Variants in AKAP7 observed in about 807,000 individuals in gnomAD.
The protein encoded by AKAP7 is A-kinase anchoring protein 7.
In AKAP7, 39 loss-of-function variants were observed where a neutral mutation model predicts 39.5. The ratio of observed to expected loss-of-function variants is 0.99; its 90% CI spans 0.76 to 1.29. The LOEUF (loss-of-function observed/expected upper bound fraction) is 1.29. AKAP7 is among the 50% of genes most tolerant of loss of function. The probability of loss-of-function intolerance (pLI) is 0.00; values close to 1 mark genes in which losing one functional copy is unlikely to be tolerated. For synonymous variants in AKAP7, 140 were observed against 139.1 expected (o/e 1.01, Z -0.05); for missense variants, 414 against 407.7 (o/e 1.02, Z -0.13).
chr6:131,224,325 G>A (rs568618263), intron 7 of AKAP7, among the ~76,000 whole-genome samples: 2 of 151,928 alleles, frequency 1.3e-5, no homozygotes, highest in Non-Finnish European at 2.9e-5. Flanking sequence ...GGCCTACCTT[G>A]GTTTGGCTTC....
At chr6:131,227,122 A>G (rs1225780002) in intron 7 of AKAP7, among the ~76,000 whole-genome samples, 2 of 152,192 alleles carry the variant, frequency 1.3e-5, no homozygotes, top group Admixed American at 1.3e-4. Flanking sequence ...ATAGGGGAGT[A>G]AAAGAATTCA....
chr6:131,182,518 T>A (rs1236611558), intron 5 of AKAP7, among the ~76,000 whole-genome samples: 2 of 152,236 alleles, frequency 1.3e-5, no homozygotes, highest in Non-Finnish European at 2.9e-5. Flanking sequence ...CCGTGGTATA[T>A]GTACATACCA....
chr6:131,179,660 C>A (rs552145914), intron 5 of AKAP7, among the ~76,000 whole-genome samples: 3 of 152,026 alleles, frequency 2.0e-5, no homozygotes, highest in South Asian at 4.2e-4. Context: ...TTGAGCTCAG[C>A]GGTTTAAGAC....
chr6:131,185,921 T>G (rs1805801867), intron 5 of AKAP7, among the ~76,000 whole-genome samples: 1 of 152,188 alleles, frequency 6.6e-6, no homozygotes, highest in Non-Finnish European at 1.5e-5. Flanking sequence ...TCCCTCTATG[T>G]TTTTTCTTAA....
Position 131,281,769 on chromosome 6 carries a change from G to A in AKAP7, c.*43G>A. 1 of 1,522,710 alleles carries A rather than the reference G, an allele frequency of 6.6e-7. No individual in the cohort carries two copies. The highest frequency in any genetic ancestry group is 8.8e-7 in the Non-Finnish European group (1 of 1,136,122). 94.3% of individuals were successfully genotyped at this position (1,522,710 alleles called of 1,614,324 possible). Reference sequence around the variant, plus strand: ...CCATGTCTCTGTGCAAAGCCTCCCTGCTTCCCTCTGCTGAGTCTAGGGACT... The same window carrying A: ...CCATGTCTCTGTGCAAAGCCTCCCTACTTCCCTCTGCTGAGTCTAGGGACT... On this transcript the variant is annotated 3_prime_UTR_variant, in exon 8 of 8. Coordinates refer to ENST00000431975, the MANE Select transcript of AKAP7 (RefSeq NM_016377.4). This position sits in a 1 kb window ranked among gnomAD's most constrained non-coding sequence, Gnocchi z 4.0.
intron 3 of AKAP7, 147 bp from the exon 4 acceptor site, chr6:131,164,934 A>G (rs1020930732): frequency 3.4e-5 from 21 of 616,044 alleles, no homozygotes; most frequent in Admixed American, 1.0e-4. Flanking sequence ...CAAGTAGACA[A>G]TTAAGCATTC....
rs185242786 is a variant in AKAP7, at chr6:131,159,295, G to A, written c.152-764G>A. ...TTTTTAGTAGAGACGAGGTTTCACC[G>A]TGTTAGCCAGGATGGTCTTGATCTC... On this transcript the variant is annotated intron_variant, in intron 2 of 7. Coordinates refer to ENST00000431975, the MANE Select transcript of AKAP7 (RefSeq NM_016377.4). Among the ~76,000 whole-genome samples the A allele has an allele frequency of 2.9e-3, 436 of 151,858 alleles. 2 individuals are homozygous for A. The highest frequency in any genetic ancestry group is 9.3e-3 in the Admixed American group (142 of 15,246).
At chr6:131,133,339 T>C (rs1800368773), upstream of AKAP7, among the ~76,000 whole-genome samples, 7 of 152,204 alleles carry the variant, frequency 4.6e-5, no homozygotes, top group South Asian at 1.4e-3. Context: ...TTATCTCCCA[T>C]TTGCTCAAAG....
chr6:131,129,428 A>G, the AKAP7 span, among the ~76,000 whole-genome samples: 1 of 152,180 alleles, frequency 6.6e-6, no homozygotes, highest in African/African-American at 2.4e-5. Context: ...TTTTTATAAA[A>G]TATATGCTGC....
At chr6:131,193,887 G>C (rs779268175) in intron 5 of AKAP7, among the ~76,000 whole-genome samples, 41 of 152,004 alleles carry the variant, frequency 2.7e-4, no homozygotes, top group Non-Finnish European at 3.8e-4. Flanking sequence ...TGTGGCATCA[G>C]TTGTAATGTC....
At chr6:131,182,940 G>T (rs577518912) in intron 5 of AKAP7, among the ~76,000 whole-genome samples, 2 of 151,476 alleles carry the variant, frequency 1.3e-5, no homozygotes, top group South Asian at 4.2e-4. Context: ...TTTTATATTC[G>T]CTTTACATAT....
intron 2 of AKAP7, among the ~76,000 whole-genome samples, chr6:131,146,736 T>G (rs1306908990): frequency 1.3e-5 from 2 of 152,244 alleles, no homozygotes; most frequent in African/African-American, 4.8e-5. Context: ...TTTAGTCTCT[T>G]CATTTTGAGA....
intron 6 of AKAP7, among the ~76,000 whole-genome samples, chr6:131,217,316 T>C (rs1809276566): frequency 6.6e-6 from 1 of 152,142 alleles, no homozygotes; most frequent in Admixed American, 6.5e-5. Flanking sequence ...CCTTTTTTTT[T>C]AGTATGAAAG....
At chr6:131,189,755 C>T (rs771099166) in intron 5 of AKAP7, among the ~76,000 whole-genome samples, 4 of 152,116 alleles carry the variant, frequency 2.6e-5, no homozygotes, top group Non-Finnish European at 4.4e-5. Context: ...TTTTATATAG[C>T]AAAGTGTCCT....
At chr6:131,143,667 A>G (rs1254530557) in intron 1 of AKAP7, among the ~76,000 whole-genome samples, 1 of 152,030 alleles carries the variant, frequency 6.6e-6, no homozygotes, top group Non-Finnish European at 1.5e-5. Flanking sequence ...ATCAAATTGC[A>G]GTAAAAATGT....
the AKAP7 span, among the ~76,000 whole-genome samples, chr6:131,129,940 A>G: frequency 6.6e-6 from 1 of 152,190 alleles, no homozygotes; most frequent in Non-Finnish European, 1.5e-5. Context: ...AACAGAGTCA[A>G]TTGTTTTGGT....
At chr6:131,213,680 G>T (rs188513337) in intron 6 of AKAP7, among the ~76,000 whole-genome samples, 34 of 152,166 alleles carry the variant, frequency 2.2e-4, no homozygotes, top group African/African-American at 7.7e-4. Context: ...CCCCTTCTTT[G>T]TTTCATTATA....
Position 131,236,117 on chromosome 6 carries a change from A to G in AKAP7, c.850+16309A>G, listed in dbSNP as rs533182660. 7.3e-3 allele frequency among the ~76,000 whole-genome samples: 1,108 copies of G among 152,230 alleles called. 11 individuals carry two copies. The highest frequency in any genetic ancestry group is 0.026 in the African/African-American group (1,066 of 41,542). On this transcript the variant is annotated intron_variant, in intron 7 of 7. Coordinates refer to ENST00000431975, the MANE Select transcript of AKAP7 (RefSeq NM_016377.4). Reference sequence around the variant, plus strand: ...AGAAGGGATCCAGTTTCAGCTTTCTACATATGGCTAGCCAGTTTTCCCAGC... The same window carrying G: ...AGAAGGGATCCAGTTTCAGCTTTCTGCATATGGCTAGCCAGTTTTCCCAGC...
intron 7 of AKAP7, among the ~76,000 whole-genome samples, chr6:131,244,521 G>A (rs932929699): frequency 1.3e-5 from 2 of 152,160 alleles, no homozygotes; most frequent in African/African-American, 4.8e-5. Context: ...CTACTGCTGT[G>A]TGTCCTCTAA....
Sources: allele counts gnomAD v4.1 joint callset (sites outside exome capture counted in the v4.1 genomes callset), GRCh38; gene constraint gnomAD v4.1.1; non-coding constraint Gnocchi (gnomAD v3.1); transcripts MANE v1.5; gene names NCBI Gene and HGNC (gene_info 2026-07-23, HGNC 2026-07-21).